The following AFF3 variants were observed in gnomAD, a reference collection of about 807,000 sequenced individuals.
AFF3 encodes ALF transcription elongation factor 3.
In AFF3, 32 loss-of-function variants were observed where a neutral mutation model predicts 129.7. That is an observed-to-expected ratio of 0.25 (90% CI 0.19 to 0.33). The LOEUF (loss-of-function observed/expected upper bound fraction) is 0.33, where lower values mean the gene tolerates loss of function less well. AFF3 is among the 10% of genes least tolerant of loss of function. The pLI, the probability that AFF3 is intolerant of heterozygous loss-of-function variation, is 1.00. For synonymous variants in AFF3, 644 were observed against 635.4 expected (o/e 1.01, Z -0.20); for missense variants, 1,373 against 1,592.0 (o/e 0.86, Z 2.34).
intron 13 of AFF3, among the ~76,000 whole-genome samples, chr2:99,642,739 C>T (rs1334813539): frequency 6.6e-6 from 1 of 152,228 alleles, no homozygotes; most frequent in African/African-American, 2.4e-5. Flanking sequence ...GCAAGAGAAT[C>T]ATACTGACCA....
At chr2:100,055,177 T>C (rs936007838) in intron 4 of AFF3, among the ~76,000 whole-genome samples, 3 of 152,184 alleles carry the variant, frequency 2.0e-5, no homozygotes, top group Non-Finnish European at 4.4e-5. Flanking sequence ...CTGACACTTC[T>C]GAAAGAGACT....
At chr2:100,099,475 A>G (rs1179937561) in intron 4 of AFF3, among the ~76,000 whole-genome samples, 1 of 150,672 alleles carries the variant, frequency 6.6e-6, no homozygotes, top group African/African-American at 2.4e-5. Context: ...GTGTTAGCCT[A>G]CCTTCACCAA....
intron 24 of AFF3, among the ~76,000 whole-genome samples, chr2:99,551,923 T>G (rs1674446663): frequency 1.3e-5 from 2 of 152,362 alleles, no homozygotes; most frequent in South Asian, 4.1e-4. Context: ...AACGTGGCTC[T>G]GTCGTCCCTC....
At chr2:99,863,543 T>C (rs1558925747) in intron 7 of AFF3, among the ~76,000 whole-genome samples, 1 of 152,240 alleles carries the variant, frequency 6.6e-6, no homozygotes, top group Admixed American at 6.5e-5. Flanking sequence ...ATTCCTCTGA[T>C]TTATGATTTT....
chr2:99,554,988 A>G (rs1056493026), intron 22 of AFF3, among the ~76,000 whole-genome samples: 5 of 152,218 alleles, frequency 3.3e-5, no homozygotes, highest in African/African-American at 1.2e-4. Context: ...GAACATTCCT[A>G]AGAGAATATA....
chr2:99,965,041 T>C (rs896120692), intron 7 of AFF3, among the ~76,000 whole-genome samples: 1 of 152,244 alleles, frequency 6.6e-6, no homozygotes, highest in African/African-American at 2.4e-5. Context: ...GTGTCGTGGT[T>C]GTTGATACTC....
intron 22 of AFF3, among the ~76,000 whole-genome samples, chr2:99,557,456 CA>C (rs1278828561): frequency 6.6e-6 from 1 of 152,066 alleles, no homozygotes; most frequent in East Asian, 1.9e-4. Flanking sequence ...GTTTTCTACC[CA>C]TTCTGTATGT....
intron 4 of AFF3, among the ~76,000 whole-genome samples, chr2:100,043,265 T>A (rs534849419): frequency 6.6e-6 from 1 of 152,196 alleles, no homozygotes; most frequent in East Asian, 1.9e-4. Context: ...CAAAAGCATA[T>A]CAATTTGGCG....
intron 8 of AFF3, among the ~76,000 whole-genome samples, chr2:99,802,686 A>G (rs1338741870): frequency 9.4e-6 from 1 of 106,636 alleles, no homozygotes; most frequent in Admixed American, 1.2e-4. Flanking sequence ...GTATTTTCCT[A>G]GGGTGTCTTT....
intron 4 of AFF3, among the ~76,000 whole-genome samples, chr2:100,013,434 C>T (rs962333371): frequency 2.0e-5 from 3 of 152,292 alleles, no homozygotes; most frequent in Middle Eastern, 3.4e-3. Context: ...ACTAGGTTAA[C>T]TCTTTTAAAG....
intron 4 of AFF3, among the ~76,000 whole-genome samples, chr2:100,074,405 G>A (rs890772020): frequency 2.6e-5 from 4 of 152,082 alleles, no homozygotes; most frequent in African/African-American, 4.8e-5. Context: ...CTGACCTCTC[G>A]CCTACCAAGA....
At chr2:100,048,070 C>T (rs1269178963) in intron 4 of AFF3, among the ~76,000 whole-genome samples, 1 of 152,196 alleles carries the variant, frequency 6.6e-6, no homozygotes, top group Non-Finnish European at 1.5e-5. Context: ...AATAATGGCA[C>T]CAGTAAATAT....
At chr2:99,927,711 A>G (rs7608655) in intron 7 of AFF3, among the ~76,000 whole-genome samples, 1 of 152,202 alleles carries the variant, frequency 6.6e-6, no homozygotes, top group Non-Finnish European at 1.5e-5. Flanking sequence ...AAACTTGCCC[A>G]TGTACCCCTG....
intron 7 of AFF3, among the ~76,000 whole-genome samples, chr2:99,997,950 C>A (rs1335783016): frequency 6.6e-6 from 1 of 152,180 alleles, no homozygotes; most frequent in South Asian, 2.1e-4. Flanking sequence ...CACCCTCCAC[C>A]CCCATGGGCA....
At chr2:99,829,438 A>C (rs1688350461) in intron 8 of AFF3, among the ~76,000 whole-genome samples, 1 of 152,218 alleles carries the variant, frequency 6.6e-6, no homozygotes, top group African/African-American at 2.4e-5. Context: ...ACGTATTTAC[A>C]AGAAAAAAAC....
intron 20 of AFF3, among the ~76,000 whole-genome samples, chr2:99,564,943 C>A (rs2104618968): frequency 6.6e-6 from 1 of 152,256 alleles, no homozygotes; most frequent in Admixed American, 6.5e-5. Flanking sequence ...AGGTCTCCAT[C>A]ATGGAGGATA....
At position 99,997,423 on chromosome 2, in the gene AFF3, T is replaced by C. The variant is rs766015245; in HGVS notation, c.873+9209A>G. ...CTTACTGGCTCTCCTTCAAAATATA[T>C]AGAGAATCCAATCTTACCATCTTTG... On this transcript the variant is annotated intron_variant, in intron 7 of 24. Coordinates refer to ENST00000672756, the MANE Select transcript of AFF3 (RefSeq NM_001386135.1). Among the ~76,000 whole-genome samples the C allele has an allele frequency of 5.8e-4, 88 of 151,890 alleles. No homozygotes were observed. The Middle Eastern group carries it at 0.01, about 18-fold the overall frequency.
intron 10 of AFF3, among the ~76,000 whole-genome samples, chr2:99,741,152 C>A (rs1680683648): frequency 1.3e-5 from 2 of 152,152 alleles, no homozygotes; most frequent in Admixed American, 1.3e-4. Context: ...CCTTTGAAAA[C>A]TGGCACAAGA....
chr2:100,044,429 C>G (rs147568604), intron 4 of AFF3, among the ~76,000 whole-genome samples: 1 of 152,198 alleles, frequency 6.6e-6, no homozygotes, highest in Admixed American at 6.5e-5. Context: ...GTTTCACAAC[C>G]CCCTTCCATC....
Sources: gnomAD v4.1 joint callset for allele counts (sites outside exome capture counted in the v4.1 genomes callset) on GRCh38, gnomAD v4.1.1 for gene constraint, MANE v1.5 for transcripts, NCBI Gene and HGNC (gene_info 2026-07-23, HGNC 2026-07-21) for gene names.